The following RASSF6 variants were observed in gnomAD, a reference collection of about 807,000 sequenced individuals.
RASSF6 encodes Ras association domain family member 6, also known as ras association domain-containing protein 6.
In RASSF6, 52 loss-of-function variants were observed where a neutral mutation model predicts 44.0. The ratio of observed to expected loss-of-function variants is 1.18; its 90% confidence interval spans 0.95 to 1.49. The LOEUF (loss-of-function observed/expected upper bound fraction) is 1.49, where lower values mean the gene tolerates loss of function less well. RASSF6 is among the 40% of genes most tolerant of loss of function. The pLI is 0.00. For missense variants in RASSF6, 464 were observed against 393.3 expected, an observed-to-expected ratio of 1.18 and a Z score of -1.52; for synonymous variants, 162 against 124.6, an observed-to-expected ratio of 1.30 and a Z score of -2.00.
intron 2 of RASSF6, among the ~76,000 whole-genome samples, chr4:73,602,092 T>C (rs1225859163): frequency 9.2e-5 from 14 of 152,162 alleles, no homozygotes; most frequent in Non-Finnish European, 2.1e-4. Context: ...ATTTCTATAG[T>C]TCACAGAAAA....
Position 73,574,734 on chromosome 4 carries a change from A to C in RASSF6, c.*1501T>G, listed in dbSNP as rs1314223856. 6.6e-6 allele frequency: 1 copy of C among 151,902 alleles called. No individual in the cohort carries two copies. The highest frequency in any genetic ancestry group is 2.1e-4 in the South Asian group (1 of 4,822). 9.4% of individuals were successfully genotyped at this position (151,902 alleles called of 1,614,324 possible). On this transcript the variant is annotated 3_prime_UTR_variant, in exon 11 of 11. Coordinates refer to ENST00000307439, the MANE Select transcript of RASSF6 (RefSeq NM_177532.5). ...TTTCATATACTTAGTGGCCATTTGC[A>C]TTCTCTCTTCTGTGATTTTTCTTTT...
chr4:73,576,124 G>A lies in RASSF6; in HGVS notation c.*111C>T, dbSNP rs1018974176. The stretch of plus-strand genomic sequence containing the variant: ...CTTTTTTTGACATTCAATTTTCTAC[G>A]ATTCAAGTCTCATATATGTTCGTAT... On this transcript the variant is annotated 3_prime_UTR_variant, in exon 11 of 11. Transcript: ENST00000307439. 3.9e-5 allele frequency: 22 copies of A among 568,032 alleles called. No homozygotes were observed. Among genetic ancestry groups the A allele is most frequent in the Non-Finnish European group, 6.0e-5 (20 of 333,130 alleles). 35.2% of individuals were successfully genotyped at this position (568,032 alleles called of 1,614,324 possible). A position where few individuals can be genotyped will look rare whatever the true frequency, so the allele number is the denominator to read the frequency against.
rs551910755 is a variant in RASSF6, at chr4:73,574,278, C to G, written c.*1957G>C. ...CTAGGTTCCTGCAAAGTAGGTCCCT[C>G]CGGCTCCTAATCCCAACAGTGCCTC... On this transcript the variant is annotated 3_prime_UTR_variant, in exon 11 of 11. Coordinates refer to ENST00000307439, the MANE Select transcript of RASSF6 (RefSeq NM_177532.5). 2 of 152,536 alleles carry G rather than the reference C, an allele frequency of 1.3e-5. No homozygotes were observed. The highest frequency in any genetic ancestry group is 1.3e-4 in the Admixed American group (2 of 15,302). 9.4% of individuals were successfully genotyped at this position (152,536 alleles called of 1,614,324 possible). A position where few individuals can be genotyped will look rare whatever the true frequency, so the allele number is the denominator to read the frequency against.
chr4:73,585,214 C>G lies in RASSF6; in HGVS notation c.533G>C (p.Arg178Thr), dbSNP rs777334660. Residue 178 changes from arginine (R) to threonine (T), a missense_variant, in exon 6 of 11, where the codon AGA becomes ACA. Arg to Thr is a moderately conservative substitution (Grantham distance 71, BLOSUM62 -1). Transcript: ENST00000307439. Reference protein sequence around the residue: ...MMDRKERQKNRASINGHFYNH... With the variant: ...MMDRKERQKNTASINGHFYNH... ...ATAGAAGTGTCCATTAATAGAGGCT[C>G]TATTTTTCTGTCTTTCTTTTCTGTC... 6 of 1,610,490 alleles carry G rather than the reference C, an allele frequency of 3.7e-6. No homozygotes were observed. Among genetic ancestry groups the G allele is most frequent in the Non-Finnish European group, 5.1e-6 (6 of 1,178,484 alleles).
intron 2 of RASSF6, among the ~76,000 whole-genome samples, chr4:73,602,061 C>T (rs183791619): frequency 2.6e-4 from 40 of 152,220 alleles, no homozygotes; most frequent in African/African-American, 9.4e-4. Flanking sequence ...AAAGAAACAA[C>T]ATGAAAAGGG....
intron 2 of RASSF6, among the ~76,000 whole-genome samples, chr4:73,607,088 A>G (rs1725692125): frequency 1.3e-5 from 2 of 152,232 alleles, no homozygotes; most frequent in South Asian, 2.1e-4. Context: ...CAACAAAAAA[A>G]TAATAAGCAA....
intron 5 of RASSF6, among the ~76,000 whole-genome samples, chr4:73,585,907 T>C (rs968350159): frequency 4.6e-5 from 7 of 151,302 alleles, no homozygotes; most frequent in Non-Finnish European, 1.0e-4. Context: ...TATGTATACA[T>C]GTGCCATGCT....
intron 1 of RASSF6, among the ~76,000 whole-genome samples, chr4:73,614,406 G>T (rs1351136045): frequency 6.6e-6 from 1 of 152,154 alleles, no homozygotes; most frequent in Admixed American, 6.5e-5. Context: ...TCATGAATGT[G>T]GTTAGTGCCC....
rs902988275 is a variant in RASSF6, at chr4:73,585,274, G to C, written c.473C>G (p.Ala158Gly). Residue 158 changes from alanine (A) to glycine (G), a missense_variant, in exon 6 of 11, where the codon GCT (alanine) becomes GGT (glycine). Physicochemically the swap from Ala to Gly is moderately conservative, Grantham distance 60 (BLOSUM62 0). Transcript: ENST00000307439. Reference protein sequence around the residue: ...PVLYRTMSEAALVRKRMKPLM... With the variant: ...PVLYRTMSEAGLVRKRMKPLM... ...AGGCTTCATCCTTTTTCTCACCAGA[G>C]CTGCTTCACTCATGGTTCTATAGAG... The C allele has an allele frequency of 2.5e-6, 4 of 1,612,540 alleles. No individual in the cohort carries two copies. The highest frequency in any genetic ancestry group is 3.4e-6 in the Non-Finnish European group (4 of 1,179,078).
chr4:73,620,599 T>G (rs1189641286), upstream of RASSF6: 10 of 893,514 alleles, frequency 1.1e-5, no homozygotes, highest in Non-Finnish European at 1.6e-5. Context: ...CAGGGAAGTG[T>G]CAAGAAACCT....
chr4:73,609,441 T>G (rs1725863832), intron 2 of RASSF6, among the ~76,000 whole-genome samples: 1 of 152,158 alleles, frequency 6.6e-6, no homozygotes, highest in East Asian at 1.9e-4. Flanking sequence ...ACAGGGAAGT[T>G]TCTAAACTCA....
chr4:73,583,326 A>T (rs1175217571), intron 6 of RASSF6, among the ~76,000 whole-genome samples: 1 of 152,174 alleles, frequency 6.6e-6, no homozygotes, highest in Non-Finnish European at 1.5e-5. Context: ...TTTTCAGAGC[A>T]GTATTTAAAT....
chr4:73,616,062 A>G, intron 1 of RASSF6: 2 of 802,852 alleles, frequency 2.5e-6, no homozygotes, highest in South Asian at 3.2e-5. Flanking sequence ...AAATTCAACA[A>G]ATATTTCACG....
At chr4:73,612,709 G>A (rs1212415996) in intron 1 of RASSF6, among the ~76,000 whole-genome samples, 1 of 151,918 alleles carries the variant, frequency 6.6e-6, no homozygotes, top group African/African-American at 2.4e-5. Flanking sequence ...AACTCACTAG[G>A]TACTTTGTTA....
chr4:73,612,778 A>C (rs889619844), intron 1 of RASSF6, among the ~76,000 whole-genome samples: 2 of 152,054 alleles, frequency 1.3e-5, no homozygotes, highest in Admixed American at 6.6e-5. Context: ...CATTCCGATC[A>C]TCCCATCACC....
chr4:73,594,132 C>A (rs910638787), intron 3 of RASSF6, among the ~76,000 whole-genome samples: 9 of 152,092 alleles, frequency 5.9e-5, no homozygotes, highest in African/African-American at 2.2e-4. Flanking sequence ...TGAAGAATTT[C>A]TTTAAAATTA....
In RASSF6 at chr4:73,576,109, C is replaced by T; in HGVS notation, c.*126G>A. 1.8e-6 allele frequency: 1 copy of T among 548,782 alleles called. No individual in the cohort carries two copies. Among genetic ancestry groups the T allele is most frequent in the Non-Finnish European group, 3.1e-6 (1 of 318,120 alleles). 34.0% of individuals were successfully genotyped at this position (548,782 alleles called of 1,614,324 possible). ...TCAAAAAGAAATGAGCTTTTTTTGACATTCAATTTTCTACGATTCAAGTCT... is the reference window on the plus strand; with the variant it reads ...TCAAAAAGAAATGAGCTTTTTTTGATATTCAATTTTCTACGATTCAAGTCT... On this transcript the variant is annotated 3_prime_UTR_variant, in exon 11 of 11. Coordinates refer to ENST00000307439, the MANE Select transcript of RASSF6 (RefSeq NM_177532.5).
intron 1 of RASSF6, chr4:73,615,832 C>G (rs559930646): frequency 8.7e-6 from 12 of 1,372,780 alleles, no homozygotes; most frequent in African/African-American, 7.2e-5. Flanking sequence ...AATGCTGGAA[C>G]GTGGTTCACC....
intron 2 of RASSF6, among the ~76,000 whole-genome samples, chr4:73,599,262 A>G (rs760466986): frequency 6.6e-6 from 1 of 152,208 alleles, no homozygotes; most frequent in Non-Finnish European, 1.5e-5. Context: ...GCAACCACAG[A>G]AGTCAAAGAT....
Sources: allele counts gnomAD v4.1 joint callset (sites outside exome capture counted in the v4.1 genomes callset), GRCh38; gene constraint gnomAD v4.1.1; transcripts MANE v1.5; gene names NCBI Gene and HGNC (gene_info 2026-07-23, HGNC 2026-07-21).